GPHN: variants seen among roughly 807,000 people sequenced by gnomAD.
The protein encoded by GPHN is gephyrin.
In GPHN, 17 loss-of-function variants were observed where a neutral mutation model predicts 95.5. The ratio of observed to expected loss-of-function variants is 0.18; its 90% CI spans 0.12 to 0.27. The LOEUF is 0.27. Ranked by LOEUF, GPHN falls within the 10% of genes least tolerant of loss-of-function variation. The pLI is 1.00. For missense variants in GPHN, 660 were observed against 978.1 expected (o/e 0.67, Z 4.34); for synonymous variants, 320 against 322.5 (o/e 0.99, Z 0.08).
intron 5 of GPHN, among the ~76,000 whole-genome samples, chr14:66,890,516 C>T (rs1246852377): frequency 6.6e-6 from 1 of 151,728 alleles, no homozygotes; most frequent in Non-Finnish European, 1.5e-5. Flanking sequence ...ACAACTGACA[C>T]TGGTTGTTTC....
chr14:67,426,898 C>T, the GPHN span, among the ~76,000 whole-genome samples: 2 of 152,204 alleles, frequency 1.3e-5, no homozygotes, highest in Middle Eastern at 3.4e-3. Context: ...TAAGAGACAA[C>T]GTCTGCAGAT....
chr14:66,628,788 T>C (rs2063618546), intron 1 of GPHN, among the ~76,000 whole-genome samples: 1 of 151,942 alleles, frequency 6.6e-6, no homozygotes, highest in Non-Finnish European at 1.5e-5. Flanking sequence ...CTGGCAGGCA[T>C]GTGGCTCACA....
At chr14:67,480,038 G>A in the GPHN span, among the ~76,000 whole-genome samples, 8 of 152,322 alleles carry the variant, frequency 5.3e-5, no homozygotes, top group South Asian at 1.7e-3. Flanking sequence ...TGTAGGTAAA[G>A]TGAGGATAAC....
chr14:66,550,245 A>T (rs2059761829), intron 1 of GPHN, among the ~76,000 whole-genome samples: 1 of 152,242 alleles, frequency 6.6e-6, no homozygotes, highest in Admixed American at 6.5e-5. Flanking sequence ...AACAATCATG[A>T]TTCATGCGAG....
intron 1 of GPHN, among the ~76,000 whole-genome samples, chr14:66,570,358 G>A (rs2060636842): frequency 7.0e-6 from 1 of 143,222 alleles, no homozygotes; most frequent in Non-Finnish European, 1.5e-5. Context: ...AGGCTTGAGT[G>A]CAGTGGTGCA....
At chr14:66,860,750 G>A (rs1022951400) in intron 4 of GPHN, among the ~76,000 whole-genome samples, 2 of 151,980 alleles carry the variant, frequency 1.3e-5, no homozygotes, top group African/African-American at 4.8e-5. Flanking sequence ...CACAATTAAA[G>A]TGTAGCATTT....
intron 1 of GPHN, among the ~76,000 whole-genome samples, chr14:66,521,028 T>C (rs1175967124): frequency 3.9e-5 from 6 of 152,160 alleles, no homozygotes; most frequent in Non-Finnish European, 8.8e-5. Context: ...ACAAAAGACA[T>C]GATCTCATTT....
chr14:67,593,499 AAAAAG>A, the GPHN span: 6 of 476,596 alleles, frequency 1.3e-5, no homozygotes, highest in Non-Finnish European at 1.9e-5. Context: ...TCAAAAAAAA[AAAAAG>A]AAAAAAGATA....
intron 8 of GPHN, among the ~76,000 whole-genome samples, chr14:66,956,865 C>G (rs903963164): frequency 2.0e-5 from 3 of 147,846 alleles, no homozygotes; most frequent in African/African-American, 7.5e-5. Context: ...ATCGCAAGAA[C>G]AAAAAACCAA....
At chr14:67,593,594 G>C in the GPHN span, 1 of 591,598 alleles carries the variant, frequency 1.7e-6, no homozygotes, top group Non-Finnish European at 3.0e-6. Flanking sequence ...CCCTATCCAT[G>C]AAAACCTGCT....
chr14:67,344,695 G>T, the GPHN span, among the ~76,000 whole-genome samples: 1 of 146,416 alleles, frequency 6.8e-6, no homozygotes, highest in Non-Finnish European at 1.5e-5. Flanking sequence ...CCTGGGCAAC[G>T]TAGCAAGACC....
intron 2 of GPHN, among the ~76,000 whole-genome samples, chr14:66,732,671 C>A (rs1279335495): frequency 6.9e-6 from 1 of 144,386 alleles, no homozygotes; most frequent in African/African-American, 2.8e-5. Context: ...CACGCACTAC[C>A]ACACCTGGCT....
chr14:67,681,231 G>A, the GPHN span, among the ~76,000 whole-genome samples: 1 of 152,226 alleles, frequency 6.6e-6, no homozygotes, highest in African/African-American at 2.4e-5. Flanking sequence ...TGGAAGTCAG[G>A]AAGGCAGGCC....
chr14:67,469,440 CTTTTTTTTT>C, the GPHN span, among the ~76,000 whole-genome samples: 201 of 80,894 alleles, frequency 2.5e-3, no homozygotes, highest in African/African-American at 9.5e-3. Context: ...CCATGCCTGG[CTTTTTTTTT>C]TTTTTTTTTT....
the GPHN span, among the ~76,000 whole-genome samples, chr14:67,522,718 A>G: frequency 9.2e-4 from 140 of 152,182 alleles, no homozygotes; most frequent in African/African-American, 3.1e-3. Flanking sequence ...CTGAGTCAAA[A>G]GGTTTCTCCC....
chr14:67,001,705 G>A (rs1040527220), intron 9 of GPHN, among the ~76,000 whole-genome samples: 1 of 151,510 alleles, frequency 6.6e-6, no homozygotes, highest in Admixed American at 6.6e-5. Flanking sequence ...TAAAATCCTG[G>A]CTTTGGCCAA....
chr14:66,728,772 T>G (rs1451442435), intron 2 of GPHN, among the ~76,000 whole-genome samples: 1 of 152,190 alleles, frequency 6.6e-6, no homozygotes, highest in Non-Finnish European at 1.5e-5. Context: ...GATGAGACTT[T>G]GGGCTGTGAA....
At chr14:67,489,753 G>C in the GPHN span, among the ~76,000 whole-genome samples, 2 of 152,242 alleles carry the variant, frequency 1.3e-5, no homozygotes, top group African/African-American at 4.8e-5. Context: ...CACATTGGGA[G>C]GCCGAGGCGG....
At chr14:67,465,629 A>C in the GPHN span, among the ~76,000 whole-genome samples, 1 of 152,176 alleles carries the variant, frequency 6.6e-6, no homozygotes, top group Non-Finnish European at 1.5e-5. Context: ...GGAATTCCTA[A>C]GTGGGTACAA....
Sources: allele counts gnomAD v4.1 joint callset (sites outside exome capture counted in the v4.1 genomes callset), GRCh38; gene constraint gnomAD v4.1.1; transcripts MANE v1.5; gene names NCBI Gene and HGNC (gene_info 2026-07-23, HGNC 2026-07-21).